UCK2: variants seen among roughly 807,000 people sequenced by gnomAD.
The protein encoded by UCK2 is uridine-cytidine kinase 2, also known as cytidine monophosphokinase 2.
Under a neutral mutation model 30.8 loss-of-function variants are expected in UCK2, and 6 were observed. The observed-to-expected ratio is 0.19, with a 90% confidence interval of 0.11 to 0.38. The LOEUF is 0.38. Among genes scored for constraint, UCK2 ranks in the 10% least tolerant of loss-of-function variants. The probability of loss-of-function intolerance (pLI) is 1.00; values close to 1 mark genes in which losing one functional copy is unlikely to be tolerated. For missense variants in UCK2, 210 were observed against 339.8 expected (o/e 0.62, Z 3.00); for synonymous variants, 125 against 133.6 (o/e 0.94, Z 0.45).
Position 165,829,160 on chromosome 1 carries a change from T to A in UCK2, c.99+1228T>A, listed in dbSNP as rs151051919. Among the ~76,000 whole-genome samples the A allele has an allele frequency of 4.6e-5, 7 of 152,236 alleles. No individual in the cohort carries two copies. In the East Asian group the frequency reaches 1.4e-3, roughly 29 times the overall value. On this transcript the variant is annotated intron_variant, in intron 1 of 6. Coordinates refer to ENST00000367879, the MANE Select transcript of UCK2 (RefSeq NM_012474.5). ...CGGCGGCTGGCGCTGCTGGACTTCT[T>A]TATTGATGAAGTTGATCTCGTCCGT...
intron 4 of UCK2, among the ~76,000 whole-genome samples, chr1:165,901,052 G>T (rs148548284): frequency 1.2e-4 from 19 of 152,272 alleles, no homozygotes; most frequent in African/African-American, 4.1e-4. Context: ...GGGGACTTCT[G>T]GGGGGTGAGC....
At chr1:165,871,168 TGTGTGC>T (rs1295542328) in intron 1 of UCK2, among the ~76,000 whole-genome samples, 3 of 152,186 alleles carry the variant, frequency 2.0e-5, no homozygotes, top group East Asian at 3.9e-4. Context: ...GAATTTTTTG[TGTGTGC>T]GTGTGCGTTT....
chr1:165,894,080 G>A (rs1349723782), intron 3 of UCK2: 1 of 152,070 alleles, frequency 6.6e-6, no homozygotes, highest in Non-Finnish European at 1.5e-5. Context: ...ATGTTAGGGA[G>A]GCTCATTGTA....
intron 1 of UCK2, among the ~76,000 whole-genome samples, chr1:165,850,496 G>A (rs1359182976): frequency 6.6e-6 from 1 of 152,124 alleles, no homozygotes; most frequent in East Asian, 1.9e-4. Flanking sequence ...CTGGAGTGCA[G>A]TGGCATGATC....
intron 1 of UCK2, among the ~76,000 whole-genome samples, chr1:165,886,305 T>G (rs1029505445): frequency 3.4e-5 from 5 of 147,942 alleles, no homozygotes; most frequent in Non-Finnish European, 7.4e-5. Context: ...TTCTCTCTTA[T>G]TTTTTTAGAG....
At chr1:165,902,095 G>T (rs551492286) in intron 4 of UCK2, among the ~76,000 whole-genome samples, 1 of 152,050 alleles carries the variant, frequency 6.6e-6, no homozygotes, top group Non-Finnish European at 1.5e-5. Flanking sequence ...AATTAGCCAG[G>T]CGTGGTGGCA....
intron 1 of UCK2, among the ~76,000 whole-genome samples, chr1:165,836,289 A>G (rs890480251): frequency 1.3e-5 from 2 of 152,138 alleles, no homozygotes; most frequent in Admixed American, 6.5e-5. Context: ...TTTTTGAAGA[A>G]AACATCTTGA....
At chr1:165,871,992 G>A (rs1655206102) in intron 1 of UCK2, among the ~76,000 whole-genome samples, 1 of 150,428 alleles carries the variant, frequency 6.6e-6, no homozygotes, top group South Asian at 2.1e-4. Context: ...ACCAGTTCCA[G>A]AAGAACAGAA....
chr1:165,902,442 A>G (rs2101887973), intron 4 of UCK2, among the ~76,000 whole-genome samples: 1 of 151,946 alleles, frequency 6.6e-6, no homozygotes, highest in East Asian at 1.9e-4. Flanking sequence ...TTAAAGAAAA[A>G]AAAAAAAGAA....
At chr1:165,896,415 C>A in intron 4 of UCK2, 83 bp downstream of exon 4, 2 of 1,529,968 alleles carry the variant, frequency 1.3e-6, no homozygotes, top group Middle Eastern at 2.3e-4. Context: ...GGACCCCACC[C>A]GCCTGAGTCT....
In UCK2 at chr1:165,842,620, C is replaced by T. The variant is rs187017977; in HGVS notation, c.99+14688C>T. Among the ~76,000 whole-genome samples, 5 of 152,298 alleles carry T rather than the reference C, an allele frequency of 3.3e-5. No individual in the cohort carries two copies. The East Asian group carries it at 9.6e-4, about 29-fold the overall frequency. On this transcript the variant is annotated intron_variant, in intron 1 of 6. Transcript: ENST00000367879. ...ATAATTTCTCCTCCCAATCCACATC[C>T]ATATTTCTTGCCTGGGTAACTCTCC...
intron 1 of UCK2, among the ~76,000 whole-genome samples, chr1:165,876,057 C>G (rs1571285796): frequency 6.6e-6 from 1 of 152,178 alleles, no homozygotes; most frequent in Non-Finnish European, 1.5e-5. Flanking sequence ...AGTTATGGAC[C>G]AGGAACCTGG....
chr1:165,836,112 C>T (rs1654181866), intron 1 of UCK2, among the ~76,000 whole-genome samples: 1 of 152,102 alleles, frequency 6.6e-6, no homozygotes, highest in South Asian at 2.1e-4. Context: ...CCTGTAATCC[C>T]AGCTACTCCG....
At chr1:165,906,009 GC>G (rs1033253240) in intron 6 of UCK2, 40 bp downstream of exon 6, 5 of 1,593,888 alleles carry the variant, frequency 3.1e-6, no homozygotes, top group Non-Finnish European at 3.4e-6. Context: ...TATAATGTCT[GC>G]CCTTTGTCAG....
chr1:165,871,927 A>G (rs964401996), intron 1 of UCK2, among the ~76,000 whole-genome samples: 3 of 152,236 alleles, frequency 2.0e-5, no homozygotes, highest in Non-Finnish European at 2.9e-5. Context: ...TTATAAATCA[A>G]TAAGAAATAA....
chr1:165,849,312 C>T (rs1458377748), intron 1 of UCK2, among the ~76,000 whole-genome samples: 2 of 152,088 alleles, frequency 1.3e-5, no homozygotes, highest in Non-Finnish European at 2.9e-5. Flanking sequence ...TGGTGGAGAG[C>T]TTCTGTTCTG....
At chr1:165,899,969 C>G (rs986732916) in intron 4 of UCK2, among the ~76,000 whole-genome samples, 1 of 152,182 alleles carries the variant, frequency 6.6e-6, no homozygotes, top group Non-Finnish European at 1.5e-5. Flanking sequence ...GACCCATTCC[C>G]CATTTGCTTT....
chr1:165,828,937 T>C (rs1225692879), intron 1 of UCK2, among the ~76,000 whole-genome samples: 2 of 152,140 alleles, frequency 1.3e-5, no homozygotes, highest in East Asian at 1.9e-4. Flanking sequence ...AGCTGGGTGC[T>C]GGGTGCTGGT....
At chr1:165,897,860 G>A (rs1284117973) in intron 4 of UCK2, 1 of 152,202 alleles carries the variant, frequency 6.6e-6, no homozygotes, top group Non-Finnish European at 1.5e-5. Context: ...ATGGAAAAAA[G>A]AATGGAATGG....
Sources: allele counts gnomAD v4.1 joint callset (sites outside exome capture counted in the v4.1 genomes callset), GRCh38; gene constraint gnomAD v4.1.1; transcripts MANE v1.5; gene names NCBI Gene and HGNC (gene_info 2026-07-23, HGNC 2026-07-21).